BARHL2: variants seen among roughly 807,000 people sequenced by gnomAD.
BARHL2 encodes the protein BarH like homeobox 2, also known as barH-like 2 homeobox protein.
BARHL2 carries 10 observed loss-of-function variants against 27.1 expected under a neutral mutation model. The ratio of observed to expected loss-of-function variants is 0.37; its 90% CI spans 0.23 to 0.63. BARHL2 has a LOEUF of 0.63. Among genes scored for constraint, BARHL2 ranks in the 20% least tolerant of loss-of-function variants. The probability of loss-of-function intolerance (pLI) is 0.65; values close to 1 mark genes in which losing one functional copy is unlikely to be tolerated. For missense variants in BARHL2, 483 were observed against 533.5 expected (o/e 0.91, Z 0.93); for synonymous variants, 248 against 224.7 (o/e 1.10, Z -0.93).
chr1:90,712,166 G>T lies in BARHL2; in HGVS notation c.*146C>A. 1.1e-6 allele frequency: 1 copy of T among 890,352 alleles called. No homozygotes were observed. The highest frequency in any genetic ancestry group is 1.6e-6 in the Non-Finnish European group (1 of 633,970). The allele number at this position is 890,352 out of a possible 1,614,324, so 55.2% of individuals were successfully genotyped here. A position where few individuals can be genotyped will look rare whatever the true frequency, so the allele number is the denominator to read the frequency against. On this transcript the variant is annotated 3_prime_UTR_variant, in exon 3 of 3. Coordinates refer to ENST00000370445, the MANE Select transcript of BARHL2 (RefSeq NM_020063.2). ...CCTCTTTGGGGGTCCCCTGCCCACT[G>T]GTAAGCATCTTCCTCTCTTACTCCT...
In BARHL2 at chr1:90,716,972, G is replaced by C. The variant is rs747216296; in HGVS notation, c.224C>G (p.Pro75Arg). The C allele has an allele frequency of 6.2e-6, 10 of 1,613,306 alleles. No homozygotes were observed. The highest frequency in any genetic ancestry group is 8.5e-6 in the Non-Finnish European group (10 of 1,179,746). ...PISVTMEPPE[P>R]HLVADATQHH... ...CTGGGTCGCGTCTGCTACCAGATGC[G>C]GCTCCGGGGGCTCCATGGTGACTGA... The change falls in exon 1 of 3, where the codon CCG (proline) becomes CGG (arginine). Residue 75 changes from proline (P) to arginine (R), a missense_variant. This residue lies in a region of BARHL2 where 304 missense variants were observed against 284.9 expected (regional missense o/e 1.07). Coordinates refer to ENST00000370445, the MANE Select transcript of BARHL2 (RefSeq NM_020063.2).
intron 1 of BARHL2, 74 bp downstream of exon 1, chr1:90,716,497 C>T: frequency 2.7e-6 from 4 of 1,494,688 alleles, no homozygotes; most frequent in Non-Finnish European, 3.7e-6. Context: ...CAGAGATCTG[C>T]TGAAGGCTGA....
chr1:90,713,535 CTAA>C (rs1444236007), intron 2 of BARHL2, among the ~76,000 whole-genome samples: 1 of 152,166 alleles, frequency 6.6e-6, no homozygotes, highest in African/African-American at 2.4e-5. Flanking sequence ...ACAAATGACA[CTAA>C]TGTTTTCCGA....
Position 90,714,872 on chromosome 1 carries a change from C to T in BARHL2, c.626-116G>A, listed in dbSNP as rs146884850. On this transcript the variant is annotated intron_variant, in intron 1 of 2. Transcript: ENST00000370445. ...CAACTACTGGCTTCGGGGGACTGCA[C>T]TCTGCCACCCCTAGAACACACACAC... 2.8e-3 allele frequency: 2,440 copies of T among 860,300 alleles called. 44 individuals are homozygous for T. In the African/African-American group the frequency reaches 0.036, roughly 13 times the overall value. 53.3% of individuals were successfully genotyped at this position (860,300 alleles called of 1,614,324 possible). A position where few individuals can be genotyped will look rare whatever the true frequency, so the allele number is the denominator to read the frequency against.
intron 1 of BARHL2, among the ~76,000 whole-genome samples, chr1:90,716,018 C>T (rs532978318): frequency 2.0e-5 from 3 of 150,806 alleles, no homozygotes; most frequent in South Asian, 2.1e-4. Flanking sequence ...TACGGGCTAA[C>T]CACAATCTAA....
chr1:90,714,460 G>A (rs1409581977), intron 2 of BARHL2, 71 bp downstream of exon 2: 1 of 1,430,552 alleles, frequency 7.0e-7, no homozygotes, highest in East Asian at 2.3e-5. Context: ...GGCCAGGAGG[G>A]AAGAAGATTG....
chr1:90,712,265 G>A lies in BARHL2; in HGVS notation c.*47C>T. On this transcript the variant is annotated 3_prime_UTR_variant, in exon 3 of 3. Transcript: ENST00000370445. ...GAGAGGACGGGCAGCAGTCCGGGTT[G>A]GGCAGGGATATGGGGAAGGGATTGC... The A allele has an allele frequency of 1.4e-6, 2 of 1,420,704 alleles. No homozygotes were observed. Among genetic ancestry groups the A allele is most frequent in the East Asian group, 2.5e-5 (1 of 39,432 alleles). The allele number at this position is 1,420,704 out of a possible 1,614,324, so 88.0% of individuals were successfully genotyped here.
rs576153214 is a variant in BARHL2, at chr1:90,714,743, TTCC to T, written c.636_638del (p.Glu213del). 1,611 of 1,614,172 alleles carry T rather than the reference TTCC, an allele frequency of 1.0e-3. 2 individuals are homozygous for T. Among genetic ancestry groups the T allele is most frequent in the Non-Finnish European group, 1.3e-3 (1,515 of 1,180,004 alleles). On this transcript the variant is annotated inframe_deletion, in exon 2 of 3. Transcript: ENST00000370445. ...GGCTACTCGTAATCTCCCGGTCTCC[TTCC>T]TCCTTTGTCCCTACCATAGAAACCC...
chr1:90,716,685 G>C lies in BARHL2; in HGVS notation c.511C>G (p.Pro171Ala), dbSNP rs756684765. 3.2e-5 allele frequency: 52 copies of C among 1,612,788 alleles called. 1 individual carries two copies. The East Asian group carries it at 3.3e-4, about 10-fold the overall frequency. ...TGCACTGCGTTGCTCTCCTGCTTCG[G>C]GGTGTGGTGGGGAGAGGATACGCTG... The part of the protein sequence containing the change: ...STSVSSPHHT[P>A]KQESNAVHES... The change falls in exon 1 of 3, where the codon CCG (proline) becomes GCG (alanine). Residue 171 changes from proline (P) to alanine (A), a missense_variant. Physicochemically the swap from Pro to Ala is conservative, Grantham distance 27 (BLOSUM62 -1). Transcript: ENST00000370445.
At chr1:90,715,972 A>C (rs1658135958) in intron 1 of BARHL2, among the ~76,000 whole-genome samples, 1 of 152,224 alleles carries the variant, frequency 6.6e-6, no homozygotes, top group African/African-American at 2.4e-5. Flanking sequence ...GCCATAGGGT[A>C]AGAAGGGTGC....
At chr1:90,714,836 C>T in intron 1 of BARHL2, 80 bp from the exon 2 acceptor site, 2 of 1,379,882 alleles carry the variant, frequency 1.4e-6, no homozygotes, top group Non-Finnish European at 2.1e-6. Context: ...TACACTTCCA[C>T]ATTCCCAAGC....
Position 90,712,051 on chromosome 1 carries a change from G to A in BARHL2, c.*261C>T. 1 of 363,864 alleles carries A rather than the reference G, an allele frequency of 2.7e-6. No individual in the cohort carries two copies. Among genetic ancestry groups the A allele is most frequent in the Non-Finnish European group, 4.9e-6 (1 of 204,190 alleles). The allele number at this position is 363,864 out of a possible 1,614,324, so 22.5% of individuals were successfully genotyped here. ...TTCACTTACTGGTTGCACTCTGTGT[G>A]GGGTCAGCATTTTCACCAGTCACAC... On this transcript the variant is annotated 3_prime_UTR_variant, in exon 3 of 3. Transcript: ENST00000370445.
chr1:90,716,886 T>C lies in BARHL2; in HGVS notation c.310A>G (p.Ser104Gly). The C allele has an allele frequency of 5.7e-6, 9 of 1,590,298 alleles. No individual in the cohort carries two copies. Among genetic ancestry groups the C allele is most frequent in the Non-Finnish European group, 6.8e-6 (8 of 1,169,578 alleles). ...PPPPAAAPTQ[S>G]LQPLPQQQQP... ...TGCTGTTGGGGCAAAGGCTGCAAACTTTGCGTCGGGGCCGCGGCCGGCGGC... is the reference window on the plus strand; with the variant it reads ...TGCTGTTGGGGCAAAGGCTGCAAACCTTGCGTCGGGGCCGCGGCCGGCGGC... Residue 104 changes from serine to glycine, a missense_variant, in exon 1 of 3, where the codon AGT becomes GGT. Physicochemically the swap from Ser to Gly is moderately conservative, Grantham distance 56. Transcript: ENST00000370445.
At position 90,712,537 on chromosome 1, in the gene BARHL2, C is replaced by T. The variant is rs116715073; in HGVS notation, c.939G>A (p.Ser313=). ...GCAGGCTTGGGTGATAGAAATAAGG[C>T]GATGGAAACATCCTCTGCAGCGCCG... ...NYSALQRMFP[S]PYFYHPSLLG... is the part of the protein sequence containing the mutation. Residue 313 remains serine (S), a synonymous_variant, in exon 3 of 3, where the codon TCG becomes TCA. Transcript: ENST00000370445. 653 of 1,614,052 alleles carry T rather than the reference C, an allele frequency of 4.0e-4. No individual in the cohort carries two copies. Among genetic ancestry groups the T allele is most frequent in the Non-Finnish European group, 5.0e-4 (589 of 1,180,004 alleles).
rs764642090 is a variant in BARHL2, at chr1:90,712,562, G to A, written c.914C>T (p.Ser305Leu). The A allele has an allele frequency of 5.6e-6, 9 of 1,613,668 alleles. No individual in the cohort carries two copies. The highest frequency in any genetic ancestry group is 5.9e-6 in the Non-Finnish European group (7 of 1,179,856). The stretch of plus-strand genomic sequence containing the variant: ...CGATGGAAACATCCTCTGCAGCGCC[G>A]AGTAGTTCCCTGCCTCGGCCAGCAA... ...LELLAEAGNY[S>L]ALQRMFPSPY... Residue 305 changes from serine to leucine, a missense_variant, in exon 3 of 3, where the codon TCG (serine) becomes TTG (leucine). By Grantham distance (145) the Ser-to-Leu change is moderately radical (BLOSUM62 -2). Around this residue, in one of 3 missense-constraint regions of BARHL2, gnomAD observed 130 missense variants for 138.0 expected, o/e 0.94. Coordinates refer to ENST00000370445, the MANE Select transcript of BARHL2 (RefSeq NM_020063.2).
At position 90,717,239 on chromosome 1, in the gene BARHL2, C is replaced by T. The variant is rs756392954; in HGVS notation, c.-44G>A. On this transcript the variant is annotated 5_prime_UTR_variant, in exon 1 of 3. Coordinates refer to ENST00000370445, the MANE Select transcript of BARHL2 (RefSeq NM_020063.2). ...CCACTCCGCCGTTCAGCAGCCGCCC[C>T]GAACCAGCGAAGAAAGCTATCGATC... The T allele has an allele frequency of 1.3e-6, 2 of 1,574,812 alleles. No homozygotes were observed. Among genetic ancestry groups the T allele is most frequent in the Non-Finnish European group, 1.7e-6 (2 of 1,168,220 alleles).
intron 1 of BARHL2, among the ~76,000 whole-genome samples, chr1:90,715,837 T>A (rs945461932): frequency 6.8e-6 from 1 of 146,836 alleles, no homozygotes; most frequent in African/African-American, 2.4e-5. Flanking sequence ...TCCATTGTCA[T>A]CTTATTTTTT....
Position 90,717,005 on chromosome 1 carries a change from G to A in BARHL2, c.191C>T (p.Ser64Phe), listed in dbSNP as rs1163940412. 2 of 1,613,880 alleles carry A rather than the reference G, an allele frequency of 1.2e-6. No homozygotes were observed. The highest frequency in any genetic ancestry group is 1.3e-5 in the African/African-American group (1 of 75,002). ...GGGCTCCATGGTGACTGAGATAGGA[G>A]AAGAAGGCGCCGTCCCTACGGTATC... ...EIDTVGTAPS[S>F]PISVTMEPPE... Residue 64 changes from serine to phenylalanine, a missense_variant, in exon 1 of 3, where the codon TCT becomes TTT. Physicochemically the swap from Ser to Phe is radical, Grantham distance 155. This residue lies in a region of BARHL2 where 304 missense variants were observed against 284.9 expected (regional missense o/e 1.07). Transcript: ENST00000370445.
chr1:90,713,277 G>C (rs2100640349), intron 2 of BARHL2, among the ~76,000 whole-genome samples: 1 of 152,304 alleles, frequency 6.6e-6, no homozygotes, highest in Non-Finnish European at 1.5e-5. Flanking sequence ...CAAGGGCAAA[G>C]TACCTCCTGG....
Sources: gnomAD v4.1 joint callset for allele counts (sites outside exome capture counted in the v4.1 genomes callset) on GRCh38, gnomAD v4.1.1 for gene constraint, gnomAD v4.1.1 regional missense constraint, MANE v1.5 for transcripts, NCBI Gene and HGNC (gene_info 2026-07-23, HGNC 2026-07-21) for gene names.